The following SEMA4F variants were observed in gnomAD, a reference collection of about 807,000 sequenced individuals.
SEMA4F encodes the protein semaphorin-4F.
SEMA4F carries 51 observed loss-of-function variants against 78.4 expected under a neutral mutation model. The ratio of observed to expected loss-of-function variants is 0.65; its 90% CI spans 0.52 to 0.82. The LOEUF (loss-of-function observed/expected upper bound fraction) is 0.82. SEMA4F is among the 40% of genes least tolerant of loss of function. SEMA4F has a pLI of 0.00. For missense variants in SEMA4F, 938 were observed against 1,014.4 expected, an observed-to-expected ratio of 0.92 and a Z score of 1.02; for synonymous variants, 418 against 408.7, an observed-to-expected ratio of 1.02 and a Z score of -0.27.
intron 4 of SEMA4F, among the ~76,000 whole-genome samples, chr2:74,659,592 A>G (rs148625817): frequency 3.0e-3 from 462 of 152,296 alleles, no homozygotes; most frequent in Middle Eastern, 0.01. Flanking sequence ...TCCTTTGGTC[A>G]AGGCTTGTTT....
At position 74,665,906 on chromosome 2, in the gene SEMA4F, T is replaced by G. The variant is rs541697593; in HGVS notation, c.550+3081T>G. On this transcript the variant is annotated intron_variant, in intron 5 of 13. Transcript: ENST00000357877. ...TTGTTTCAAGCAGTAATTTTTGTTT[T>G]TTTTTTTTTTTGTTTTTTTGAGACG... 7.2e-5 allele frequency among the ~76,000 whole-genome samples: 11 copies of G among 152,018 alleles called. No homozygotes were observed. In the East Asian group the frequency reaches 7.7e-4, roughly 11 times the overall value.
intron 6 of SEMA4F, 40 bp downstream of exon 6, chr2:74,673,616 G>A (rs1685104135): frequency 1.9e-6 from 3 of 1,613,438 alleles, no homozygotes; most frequent in East Asian, 2.2e-5. Flanking sequence ...AGACCGATGG[G>A]GTGGAGTCTG....
the SEMA4F span, among the ~76,000 whole-genome samples, chr2:74,694,049 A>C: frequency 3.5e-4 from 53 of 152,322 alleles, no homozygotes; most frequent in African/African-American, 1.3e-3. Flanking sequence ...ACTCTGATAG[A>C]CTCAGGTAAA....
Position 74,679,921 on chromosome 2 carries a change from G to A in SEMA4F, c.2025G>A (p.Leu675=). The A allele has an allele frequency of 6.2e-7, 1 of 1,614,214 alleles. No homozygotes were observed. Among genetic ancestry groups the A allele is most frequent in the East Asian group, 2.2e-5 (1 of 44,890 alleles). ...TCTTGGGGATTCTCGCAGCATCCCT[G>A]ACTCTCATTCTGATTGGTCGGCGTC... The part of the protein sequence containing the change: ...GFFLGILAAS[L]TLILIGRRQQ... Residue 675 remains leucine, a synonymous_variant, in exon 14 of 14, where the codon CTG becomes CTA. Transcript: ENST00000357877.
Position 74,680,411 on chromosome 2 carries a change from A to G in SEMA4F, c.*202A>G. 1.8e-6 allele frequency: 1 copy of G among 553,150 alleles called. No homozygotes were observed. The highest frequency in any genetic ancestry group is 3.0e-6 in the Non-Finnish European group (1 of 329,436). The allele number at this position is 553,150 out of a possible 1,614,324, so 34.3% of individuals were successfully genotyped here. A position where few individuals can be genotyped will look rare whatever the true frequency, so the allele number is the denominator to read the frequency against. ...CTTTGCCTGATTCCTGATTCCCATG[A>G]GAAATCAGAACTGCTTTCTGCAGCA... On this transcript the variant is annotated 3_prime_UTR_variant, in exon 14 of 14. Coordinates refer to ENST00000357877, the MANE Select transcript of SEMA4F (RefSeq NM_004263.5).
At chr2:74,700,656 A>G in the SEMA4F span, among the ~76,000 whole-genome samples, 1 of 152,144 alleles carries the variant, frequency 6.6e-6, no homozygotes, top group Non-Finnish European at 1.5e-5. Flanking sequence ...TTATCTCCAT[A>G]AAAAAACTGA....
At chr2:74,705,066 A>C in the SEMA4F span, among the ~76,000 whole-genome samples, 1 of 152,218 alleles carries the variant, frequency 6.6e-6, no homozygotes, top group Non-Finnish European at 1.5e-5. Flanking sequence ...TGGACAGAGA[A>C]GTGCATTTAT....
the SEMA4F span, among the ~76,000 whole-genome samples, chr2:74,705,915 C>G: frequency 6.6e-6 from 1 of 152,102 alleles, no homozygotes; most frequent in African/African-American, 2.4e-5. Context: ...AATTTATACA[C>G]TAGTATCTTG....
At position 74,662,734 on chromosome 2, in the gene SEMA4F, T is replaced by C. The variant is rs200824400; in HGVS notation, c.459T>C (p.Asp153=). The C allele has an allele frequency of 4.3e-6, 7 of 1,613,846 alleles. No individual in the cohort carries two copies. In the South Asian group the frequency reaches 7.7e-5, roughly 18 times the overall value. The change falls in exon 5 of 14, where the codon GAT becomes GAC. Residue 153 remains aspartate, a splice_region_variant and synonymous_variant. Transcript: ENST00000357877. The part of the protein sequence containing the change: ...FAFDPKCGVI[D]VSRFQQVERL... ...AATTGCCCCCTTCTGGTCTATAGGA[T>C]GTGTCCAGGTTCCAGCAGGTTGAAA...
the SEMA4F span, among the ~76,000 whole-genome samples, chr2:74,707,908 C>T: frequency 1.3e-5 from 2 of 152,096 alleles, no homozygotes; most frequent in East Asian, 1.9e-4. Flanking sequence ...TCCTCAAGAT[C>T]GGTTCAACTA....
rs1207390720 is a variant in SEMA4F, at chr2:74,674,684, G to C, written c.1001+8G>C. On this transcript the variant is annotated splice_region_variant and intron_variant, in intron 8 of 13. Transcript: ENST00000357877. ...CATCTTTTCTTCCCAGTGGTGAGGG[G>C]TCTTGGTGTGGAGGAGAGTTACAGG... The C allele has an allele frequency of 6.2e-7, 1 of 1,613,292 alleles. No homozygotes were observed. The highest frequency in any genetic ancestry group is 8.5e-7 in the Non-Finnish European group (1 of 1,179,648).
chr2:74,683,683 A>G lies in SEMA4F; in HGVS notation c.*3474A>G, dbSNP rs1254816713. ...CAGCGGCAGTCATAAGAACCAGAGG[A>G]TTTTCTGCCCTTTGCTGGGAGCCAC... is the stretch of plus-strand genomic sequence containing the variant. On this transcript the variant is annotated 3_prime_UTR_variant, in exon 14 of 14. Coordinates refer to ENST00000357877, the MANE Select transcript of SEMA4F (RefSeq NM_004263.5). The G allele has an allele frequency of 2.0e-5, 3 of 151,890 alleles. No individual in the cohort carries two copies. The highest frequency in any genetic ancestry group is 7.3e-5 in the African/African-American group (3 of 41,338). 9.4% of individuals were successfully genotyped at this position (151,890 alleles called of 1,614,324 possible). A position where few individuals can be genotyped will look rare whatever the true frequency, so the allele number is the denominator to read the frequency against.
chr2:74,663,089 C>T (rs942476674), intron 5 of SEMA4F, among the ~76,000 whole-genome samples: 10 of 152,152 alleles, frequency 6.6e-5, no homozygotes, highest in African/African-American at 9.7e-5. Context: ...TTTCTTTTCT[C>T]ATAGTGTTTT....
At chr2:74,699,713 G>C in the SEMA4F span, among the ~76,000 whole-genome samples, 1 of 152,186 alleles carries the variant, frequency 6.6e-6, no homozygotes, top group Non-Finnish European at 1.5e-5. Context: ...AGAAGGAGCG[G>C]TTGGAGAGGC....
chr2:74,699,884 G>A, the SEMA4F span, among the ~76,000 whole-genome samples: 6 of 152,326 alleles, frequency 3.9e-5, no homozygotes, highest in African/African-American at 1.2e-4. Flanking sequence ...GGAGAGAATG[G>A]GAGGGCAGAA....
At chr2:74,669,536 GAT>G (rs1684868780) in intron 5 of SEMA4F, among the ~76,000 whole-genome samples, 1 of 152,118 alleles carries the variant, frequency 6.6e-6, no homozygotes, top group South Asian at 2.1e-4. Flanking sequence ...AGTGAGCCGA[GAT>G]AGCGCCACTG....
rs140925977 is a variant in SEMA4F at position 74,656,632 on chromosome 2, C to T, written c.244C>T (p.Arg82Trp). The T allele has an allele frequency of 3.5e-5, 57 of 1,614,010 alleles. No homozygotes were observed. The highest frequency in any genetic ancestry group is 6.7e-5 in the African/African-American group (5 of 74,900). Residue 82 changes from arginine to tryptophan, a missense_variant, in exon 2 of 14, where the codon CGG becomes TGG. Physicochemically the swap from Arg to Trp is moderately radical, Grantham distance 101. Transcript: ENST00000357877. ...CTCCCACACACTTTATGTTGGCGCCCGGGACACCATCTTCGCTTTATCCCT... is the reference window on the plus strand; with the variant it reads ...CTCCCACACACTTTATGTTGGCGCCTGGGACACCATCTTCGCTTTATCCCT... ...PASHTLYVGA[R>W]DTIFALSLPF...
Position 74,675,516 on chromosome 2 carries a change from G to C in SEMA4F, c.1373-9G>C. ...ATGTAATTATTCTTGTTCCTTTCCT[G>C]TCCCCTAGAGGATGGACACCTCCAC... On this transcript the variant is annotated splice_polypyrimidine_tract_variant and intron_variant, in intron 10 of 13. Coordinates refer to ENST00000357877, the MANE Select transcript of SEMA4F (RefSeq NM_004263.5). The C allele has an allele frequency of 6.2e-7, 1 of 1,612,700 alleles. No individual in the cohort carries two copies.
At chr2:74,692,109 C>T in the SEMA4F span, among the ~76,000 whole-genome samples, 2 of 152,144 alleles carry the variant, frequency 1.3e-5, no homozygotes, top group South Asian at 4.1e-4. Context: ...GATTATGACT[C>T]AAGTTGACGC....
Sources: allele counts gnomAD v4.1 joint callset (sites outside exome capture counted in the v4.1 genomes callset), GRCh38; gene constraint gnomAD v4.1.1; transcripts MANE v1.5; gene names NCBI Gene and HGNC (gene_info 2026-07-23, HGNC 2026-07-21).